GALNTL6: variants seen among roughly 807,000 people sequenced by gnomAD.
GALNTL6 encodes polypeptide N-acetylgalactosaminyltransferase-like 6.
A neutral mutation model predicts 73.7 loss-of-function variants in GALNTL6; 46 were observed. The ratio of observed to expected loss-of-function variants is 0.62; its 90% CI spans 0.49 to 0.80. GALNTL6 has a LOEUF of 0.80. Among genes scored for constraint, GALNTL6 ranks in the 30% least tolerant of loss-of-function variants. The probability of loss-of-function intolerance (pLI) is 0.00; values close to 1 mark genes in which losing one functional copy is unlikely to be tolerated. For missense variants in GALNTL6, 604 were observed against 755.0 expected (o/e 0.80, Z 2.34); for synonymous variants, 259 against 263.7 (o/e 0.98, Z 0.17).
At chr4:172,748,252 C>T (rs1168413785) in intron 5 of GALNTL6, among the ~76,000 whole-genome samples, 3 of 152,066 alleles carry the variant, frequency 2.0e-5, no homozygotes, top group African/African-American at 7.2e-5. Context: ...GGGCACAGGG[C>T]GGGACCTAAC....
At chr4:172,069,490 T>C (rs866685126) in intron 2 of GALNTL6, among the ~76,000 whole-genome samples, 2 of 88,712 alleles carry the variant, frequency 2.3e-5, no homozygotes, top group East Asian at 2.3e-4. Context: ...ATATAACACA[T>C]ATGTTATATG....
chr4:172,093,809 A>T (rs1324231421), intron 2 of GALNTL6, among the ~76,000 whole-genome samples: 1 of 152,178 alleles, frequency 6.6e-6, no homozygotes, highest in Non-Finnish European at 1.5e-5. Context: ...TTGAGAGAAG[A>T]TCATGCCTGA....
At chr4:173,020,183 C>G (rs1404786427) in intron 11 of GALNTL6, among the ~76,000 whole-genome samples, 1 of 152,110 alleles carries the variant, frequency 6.6e-6, no homozygotes, top group Non-Finnish European at 1.5e-5. Flanking sequence ...TTTCAAATAC[C>G]CTTATTTGTT....
chr4:171,991,593 T>G (rs1740335370), intron 2 of GALNTL6, among the ~76,000 whole-genome samples: 1 of 151,746 alleles, frequency 6.6e-6, no homozygotes, highest in Non-Finnish European at 1.5e-5. Flanking sequence ...CAGTGGATTA[T>G]CACTTCAAAG....
At chr4:172,207,813 A>G (rs1467977626) in intron 2 of GALNTL6, among the ~76,000 whole-genome samples, 1 of 152,244 alleles carries the variant, frequency 6.6e-6, no homozygotes, top group African/African-American at 2.4e-5. Context: ...AAAAGCCTTC[A>G]TAACTTGCAC....
chr4:172,176,029 A>T (rs1213864043), intron 2 of GALNTL6, among the ~76,000 whole-genome samples: 1 of 152,128 alleles, frequency 6.6e-6, no homozygotes, highest in East Asian at 1.9e-4. Context: ...TGCACAGCCT[A>T]CTCCAAAGGA....
intron 10 of GALNTL6, among the ~76,000 whole-genome samples, chr4:172,990,582 T>C (rs935058801): frequency 1.3e-5 from 2 of 152,144 alleles, no homozygotes; most frequent in African/African-American, 2.4e-5. Context: ...TTTTTTTAAT[T>C]TCAATGACCC....
At chr4:172,061,115 T>G (rs1397496719) in intron 2 of GALNTL6, among the ~76,000 whole-genome samples, 1 of 152,128 alleles carries the variant, frequency 6.6e-6, no homozygotes, top group East Asian at 1.9e-4. Context: ...ATTGTACAAA[T>G]TCATACAACT....
chr4:172,871,743 A>G (rs1335446857), intron 7 of GALNTL6, among the ~76,000 whole-genome samples: 2 of 143,448 alleles, frequency 1.4e-5, no homozygotes, highest in African/African-American at 5.2e-5. Context: ...AGATACTGGT[A>G]AAGTTTAGCA....
At chr4:171,825,261 G>A (rs1283535227) in intron 2 of GALNTL6, among the ~76,000 whole-genome samples, 1 of 152,116 alleles carries the variant, frequency 6.6e-6, no homozygotes, top group South Asian at 2.1e-4. Flanking sequence ...TGCGGCTGGA[G>A]ACCATAGTTG....
At chr4:171,913,949 T>C in intron 2 of GALNTL6, among the ~76,000 whole-genome samples, 1 of 151,846 alleles carries the variant, frequency 6.6e-6, no homozygotes, top group East Asian at 1.9e-4. Flanking sequence ...ACTGAAAAAA[T>C]CCAAAATTGA....
chr4:172,173,495 C>T (rs552067665), intron 2 of GALNTL6, among the ~76,000 whole-genome samples: 2 of 152,342 alleles, frequency 1.3e-5, no homozygotes, highest in East Asian at 3.9e-4. Context: ...GGCCACTCAG[C>T]TGAGCAACCT....
intron 2 of GALNTL6, among the ~76,000 whole-genome samples, chr4:171,850,202 C>G (rs1385475931): frequency 6.6e-6 from 1 of 152,130 alleles, no homozygotes; most frequent in Non-Finnish European, 1.5e-5. Flanking sequence ...GAATTCCTGA[C>G]CTCAAGTGAT....
intron 12 of GALNTL6, among the ~76,000 whole-genome samples, chr4:173,022,502 A>G (rs1481667899): frequency 1.3e-5 from 2 of 152,242 alleles, no homozygotes; most frequent in Non-Finnish European, 2.9e-5. Context: ...ATCACCATTC[A>G]CAACACACAT....
intron 7 of GALNTL6, among the ~76,000 whole-genome samples, chr4:172,853,695 T>C (rs1207068584): frequency 1.3e-5 from 2 of 152,204 alleles, no homozygotes; most frequent in East Asian, 3.9e-4. Flanking sequence ...TAATAGCTTA[T>C]TGCATTCTGC....
chr4:172,563,206 G>T (rs1293937256), intron 5 of GALNTL6, among the ~76,000 whole-genome samples: 2 of 152,108 alleles, frequency 1.3e-5, no homozygotes, highest in Non-Finnish European at 2.9e-5. Context: ...ACACCCCAAA[G>T]GACCTTCTGA....
intron 5 of GALNTL6, among the ~76,000 whole-genome samples, chr4:172,662,559 G>C (rs1400823140): frequency 6.6e-6 from 1 of 152,172 alleles, no homozygotes; most frequent in Non-Finnish European, 1.5e-5. Context: ...AATTAACATG[G>C]GCCTTGAAAG....
chr4:172,104,565 G>C (rs946157715), intron 2 of GALNTL6, among the ~76,000 whole-genome samples: 2 of 152,076 alleles, frequency 1.3e-5, no homozygotes, highest in South Asian at 4.1e-4. Context: ...TAATGAAAAA[G>C]ATTTGAAAGA....
intron 2 of GALNTL6, among the ~76,000 whole-genome samples, chr4:172,163,517 TTCCTTTTC>T (rs1239370252): frequency 5.3e-5 from 8 of 152,040 alleles, no homozygotes; most frequent in Admixed American, 5.2e-4. Flanking sequence ...TGAATTATAG[TTCCTTTTC>T]TCAGAAACGA....
Sources: allele counts gnomAD v4.1 joint callset (sites outside exome capture counted in the v4.1 genomes callset), GRCh38; gene constraint gnomAD v4.1.1; transcripts MANE v1.5; gene names NCBI Gene and HGNC (gene_info 2026-07-23, HGNC 2026-07-21).